ZC3HAV1: variants seen among roughly 807,000 people sequenced by gnomAD.
ZC3HAV1 encodes the protein zinc finger CCCH-type antiviral protein 1.
In ZC3HAV1, 41 loss-of-function variants were observed where a neutral mutation model predicts 86.6. That is an observed-to-expected ratio of 0.47 (90% CI 0.37 to 0.61). The LOEUF (loss-of-function observed/expected upper bound fraction) is 0.61. ZC3HAV1 is among the 20% of genes least tolerant of loss of function. The pLI is 0.00. For missense variants in ZC3HAV1, 964 were observed against 1,141.1 expected, an observed-to-expected ratio of 0.84 and a Z score of 2.24; for synonymous variants, 421 against 432.1, an observed-to-expected ratio of 0.97 and a Z score of 0.32.
Position 139,045,931 on chromosome 7 carries a change from T to TA in ZC3HAV1, c.*1662dup, listed in dbSNP as rs1815944378. 2 of 120,066 alleles carry TA rather than the reference T, an allele frequency of 1.7e-5. No individual in the cohort carries two copies. Among genetic ancestry groups the TA allele is most frequent in the South Asian group, 2.7e-4 (1 of 3,698 alleles). 7.4% of individuals were successfully genotyped at this position (120,066 alleles called of 1,614,324 possible). On this transcript the variant is annotated 3_prime_UTR_variant, in exon 13 of 13. Coordinates refer to ENST00000242351, the MANE Select transcript of ZC3HAV1 (RefSeq NM_020119.4). ...TTTTTTTTTTTTTTTTTTTTTTTTT[T>TA]ACCGGTGGAGCTGTTTAAGCCAAGG...
Position 139,079,507 on chromosome 7 carries a change from G to C in ZC3HAV1, c.1434C>G (p.Ile478Met), listed in dbSNP as rs751316250. Residue 478 changes from isoleucine to methionine, a missense_variant, in exon 4 of 13, where the codon ATC (isoleucine) becomes ATG (methionine). Coordinates refer to ENST00000242351, the MANE Select transcript of ZC3HAV1 (RefSeq NM_020119.4). Reference protein sequence around the residue: ...ASRDVQATGRIADDADPRVAL... With the variant: ...ASRDVQATGRMADDADPRVAL... ...CTACTCTTGGGTCAGCATCATCTGC[G>C]ATTCTGCCAGTGGCCTGGACATCTC... is the stretch of plus-strand genomic sequence containing the variant. The C allele has an allele frequency of 1.2e-6, 2 of 1,614,140 alleles. No homozygotes were observed. Among genetic ancestry groups the C allele is most frequent in the Non-Finnish European group, 8.5e-7 (1 of 1,180,028 alleles).
chr7:139,099,710 T>C (rs1031507002), intron 1 of ZC3HAV1, among the ~76,000 whole-genome samples: 1 of 152,172 alleles, frequency 6.6e-6, no homozygotes, highest in African/African-American at 2.4e-5. Flanking sequence ...GCAGATCACC[T>C]GAGGTCAGGA....
chr7:139,053,484 G>A lies in ZC3HAV1; in HGVS notation c.2416C>T (p.Leu806=). The change falls in exon 12 of 13, where the codon CTA becomes TTA. Residue 806 remains leucine (L), a synonymous_variant. Transcript: ENST00000242351. ...TATTTGTTTTCATGAGTTTCATGTA[G>A]GAAACTGTCAAAATTATTCGAACAG... ...SICSNNFDSF[L]HETHENKYGK... is the part of the protein sequence containing the mutation. 3.1e-6 allele frequency: 5 copies of A among 1,601,906 alleles called. No individual in the cohort carries two copies. Among genetic ancestry groups the A allele is most frequent in the Non-Finnish European group, 4.3e-6 (5 of 1,175,336 alleles).
chr7:139,058,023 G>A (rs895388704), intron 9 of ZC3HAV1, among the ~76,000 whole-genome samples: 1 of 152,124 alleles, frequency 6.6e-6, no homozygotes, highest in Admixed American at 6.5e-5. Context: ...GAACAGTGAC[G>A]TGTGCCGTAG....
chr7:139,084,154 A>G (rs913588358), intron 2 of ZC3HAV1, 122 bp from the exon 3 acceptor site: 1 of 1,308,474 alleles, frequency 7.6e-7, no homozygotes, highest in Non-Finnish European at 1.0e-6. Flanking sequence ...CAAAGGGGGA[A>G]AAATACATGC....
intron 2 of ZC3HAV1, among the ~76,000 whole-genome samples, chr7:139,085,017 A>G (rs961234067): frequency 6.6e-6 from 1 of 152,246 alleles, no homozygotes; most frequent in Non-Finnish European, 1.5e-5. Context: ...AACTGCTATC[A>G]AGTCTATGAT....
At chr7:139,084,342 G>C (rs933887093) in intron 2 of ZC3HAV1, among the ~76,000 whole-genome samples, 1 of 152,188 alleles carries the variant, frequency 6.6e-6, no homozygotes, top group Admixed American at 6.5e-5. Flanking sequence ...ACCCAGCACA[G>C]GAAGGCTCAT....
chr7:139,071,806 C>T (rs932586179), intron 7 of ZC3HAV1, among the ~76,000 whole-genome samples: 9 of 152,112 alleles, frequency 5.9e-5, no homozygotes, highest in African/African-American at 7.2e-5. Context: ...CTAGTTGGCT[C>T]GTTTAGAGTC....
rs1478326058 is a variant in ZC3HAV1, at chr7:139,057,640, G to A, written c.2097-2345C>T. Among the ~76,000 whole-genome samples the A allele has an allele frequency of 9.0e-5, 3 of 33,362 alleles. 1 individual carries two copies. Among genetic ancestry groups the A allele is most frequent in the African/African-American group, 1.6e-4 (1 of 6,070 alleles). The allele number at this position is 33,362 out of a possible 152,430, so 21.9% of individuals were successfully genotyped here. A position where few individuals can be genotyped will look rare whatever the true frequency, so the allele number is the denominator to read the frequency against. On this transcript the variant is annotated intron_variant, in intron 9 of 12. Transcript: ENST00000242351. ...TGCAAGCTCCGCCTCCCGGGTTCACGCCATTCTCCTGCCTCAGCCTCCCGA... is the reference window on the plus strand; with the variant it reads ...TGCAAGCTCCGCCTCCCGGGTTCACACCATTCTCCTGCCTCAGCCTCCCGA...
chr7:139,061,824 T>A (rs1816451907), intron 8 of ZC3HAV1, among the ~76,000 whole-genome samples: 1 of 152,164 alleles, frequency 6.6e-6, no homozygotes, highest in Admixed American at 6.5e-5. Flanking sequence ...TAAGTGTCCA[T>A]CAGCTGGTAA....
At chr7:139,087,173 C>A (rs1429016738) in intron 2 of ZC3HAV1, among the ~76,000 whole-genome samples, 2 of 152,176 alleles carry the variant, frequency 1.3e-5, no homozygotes, top group Non-Finnish European at 2.9e-5. Flanking sequence ...GACAAGACTG[C>A]ATCTTGTCAT....
chr7:139,055,238 C>T lies in ZC3HAV1; in HGVS notation c.2154G>A (p.Glu718=), dbSNP rs761480874. The change falls in exon 10 of 13, where the codon GAG becomes GAA. Residue 718 remains glutamate, a synonymous_variant. Transcript: ENST00000242351. ...VSLTATFRPQ[E]DFCFLSSKKY... is the part of the protein sequence containing the mutation. ...TCTTTGAGGATAGGAAGCAAAAGTC[C>T]TCCTGAGGACGAAAGGTCGCAGTTA... 4.3e-6 allele frequency: 7 copies of T among 1,613,014 alleles called. No homozygotes were observed. Among genetic ancestry groups the T allele is most frequent in the South Asian group, 1.1e-5 (1 of 90,812 alleles).
chr7:139,107,538 T>TA (rs1240110909), intron 1 of ZC3HAV1, among the ~76,000 whole-genome samples: 5 of 152,170 alleles, frequency 3.3e-5, no homozygotes, highest in Non-Finnish European at 7.3e-5. Context: ...CTTGGTGGCT[T>TA]ATGCCTGTAA....
chr7:139,107,093 C>T (rs968211027), intron 1 of ZC3HAV1, among the ~76,000 whole-genome samples: 2 of 152,084 alleles, frequency 1.3e-5, no homozygotes, highest in East Asian at 1.9e-4. Flanking sequence ...AAGATAAGAA[C>T]AGAAAAAACA....
intron 9 of ZC3HAV1, among the ~76,000 whole-genome samples, chr7:139,056,399 CT>C (rs1183446549): frequency 6.1e-5 from 5 of 81,998 alleles, no homozygotes; most frequent in Non-Finnish European, 9.5e-5. Context: ...TTTCCTTTTT[CT>C]TTTTCTTTTC....
intron 1 of ZC3HAV1, among the ~76,000 whole-genome samples, chr7:139,099,093 A>G (rs1440456608): frequency 6.6e-6 from 1 of 152,224 alleles, no homozygotes; most frequent in Non-Finnish European, 1.5e-5. Flanking sequence ...CATGGTTCAC[A>G]ATATTACAAT....
rs1003367528 is a variant in ZC3HAV1 at position 139,106,501 on chromosome 7, C to G, written c.308+2523G>C. Among the ~76,000 whole-genome samples the G allele has an allele frequency of 2.6e-5, 4 of 152,238 alleles. No homozygotes were observed. The East Asian group carries it at 5.8e-4, about 22-fold the overall frequency. ...TGGTGGCACACACCTATAATCCCAG[C>G]TACTTGGGAGTCTGAGGCAGTAGAA... On this transcript the variant is annotated intron_variant, in intron 1 of 12. Coordinates refer to ENST00000242351, the MANE Select transcript of ZC3HAV1 (RefSeq NM_020119.4).
chr7:139,078,788 C>T (rs986839723), intron 4 of ZC3HAV1, 135 bp from the exon 5 acceptor site: 2 of 755,992 alleles, frequency 2.6e-6, no homozygotes, highest in African/African-American at 1.8e-5. Context: ...TTATGTTTTG[C>T]CCATGAGCAT....
chr7:139,050,365 T>G (rs1816087999), intron 12 of ZC3HAV1, among the ~76,000 whole-genome samples: 1 of 152,076 alleles, frequency 6.6e-6, no homozygotes, highest in Non-Finnish European at 1.5e-5. Flanking sequence ...CATTTCTGAG[T>G]GCTTTATTTT....
Sources: gnomAD v4.1 joint callset for allele counts (sites outside exome capture counted in the v4.1 genomes callset) on GRCh38, gnomAD v4.1.1 for gene constraint, MANE v1.5 for transcripts, NCBI Gene and HGNC (gene_info 2026-07-23, HGNC 2026-07-21) for gene names.